The following ZNF573 variants were observed in gnomAD, a reference collection of about 807,000 sequenced individuals.
ZNF573 encodes the protein zinc finger protein 573.
In ZNF573, 41 loss-of-function variants were observed where a neutral mutation model predicts 57.4. That is an observed-to-expected ratio of 0.71 (90% confidence interval 0.56 to 0.93). The LOEUF (loss-of-function observed/expected upper bound fraction) is 0.93, where lower values mean the gene tolerates loss of function less well. Ranked by LOEUF, ZNF573 falls within the 40% of genes least tolerant of loss-of-function variation. The pLI is 0.00. For synonymous variants in ZNF573, 249 were observed against 261.0 expected (o/e 0.95, Z 0.44); for missense variants, 730 against 794.8 (o/e 0.92, Z 0.98).
intron 4 of ZNF573, among the ~76,000 whole-genome samples, chr19:37,748,945 A>G (rs930852716): frequency 2.0e-5 from 3 of 151,712 alleles, no homozygotes; most frequent in Admixed American, 1.3e-4. Flanking sequence ...AAAAAAAAAA[A>G]AAAGCCTAAG....
At chr19:37,754,229 T>C (rs1599692190) in intron 4 of ZNF573, among the ~76,000 whole-genome samples, 2 of 152,018 alleles carry the variant, frequency 1.3e-5, no homozygotes, top group African/African-American at 2.4e-5. Context: ...TATCAAATAA[T>C]TGAAAAGAAT....
At chr19:37,757,396 A>G (rs1258944550) in intron 4 of ZNF573, among the ~76,000 whole-genome samples, 3 of 151,906 alleles carry the variant, frequency 2.0e-5, no homozygotes, top group Non-Finnish European at 2.9e-5. Context: ...ACGGGGTTTC[A>G]CCGTGTTAGC....
At chr19:37,743,419 C>G (rs534238724) in intron 4 of ZNF573, among the ~76,000 whole-genome samples, 2 of 151,524 alleles carry the variant, frequency 1.3e-5, no homozygotes, top group Non-Finnish European at 2.9e-5. Context: ...CAGAGAAATG[C>G]AAATCAAAAC....
intron 2 of ZNF573, 71 bp from the exon 3 acceptor site, chr19:37,771,767 A>G: frequency 6.7e-7 from 1 of 1,492,260 alleles, no homozygotes; most frequent in Non-Finnish European, 9.0e-7. Flanking sequence ...ACAAGAGCAC[A>G]TTAGAGAAAA....
rs2045281750 is a variant in ZNF573, at chr19:37,738,451, GCTGT to G, written c.*37_*40del. 6.7e-7 allele frequency: 1 copy of G among 1,491,360 alleles called. No homozygotes were observed. The allele number at this position is 1,491,360 out of a possible 1,614,324, so 92.4% of individuals were successfully genotyped here. A position where few individuals can be genotyped will look rare whatever the true frequency, so the allele number is the denominator to read the frequency against. On this transcript the variant is annotated 3_prime_UTR_variant, in exon 5 of 5. Transcript: ENST00000536220. ...ATTCCATCATTTCTCACCAGTGTGGGCTGTCTGATGATGAATGGCGCGCTCGTAC... is the reference window on the plus strand; with the variant it reads ...ATTCCATCATTTCTCACCAGTGTGGGCTGATGATGAATGGCGCGCTCGTAC...
At chr19:37,743,319 C>CAAAAAAA (rs74174484) in intron 4 of ZNF573, among the ~76,000 whole-genome samples, 11 of 99,842 alleles carry the variant, frequency 1.1e-4, no homozygotes, top group East Asian at 3.3e-4. Flanking sequence ...GAATCCATCT[C>CAAAAAAA]AAAAAAAAAA....
rs572983994 is a variant in ZNF573, at chr19:37,767,017, T to G, written c.295+2988A>C. 2.2e-4 allele frequency among the ~76,000 whole-genome samples: 34 copies of G among 152,258 alleles called. No homozygotes were observed. In the Middle Eastern group the frequency reaches 0.01, roughly 46 times the overall value. On this transcript the variant is annotated intron_variant, in intron 4 of 4. Coordinates refer to ENST00000536220, the MANE Select transcript of ZNF573 (RefSeq NM_001172690.2). Reference sequence around the variant, plus strand: ...GGATAATAATCCCTTTCCAAAACTATTAATAATTCTCAAGGAGATAGGGAG... The same window carrying G: ...GGATAATAATCCCTTTCCAAAACTAGTAATAATTCTCAAGGAGATAGGGAG...
intron 4 of ZNF573, among the ~76,000 whole-genome samples, chr19:37,745,296 C>T (rs915736900): frequency 1.3e-5 from 2 of 151,852 alleles, no homozygotes; most frequent in Non-Finnish European, 2.9e-5. Flanking sequence ...AGGCTGGTCT[C>T]GAACTCCTGG....
intron 4 of ZNF573, among the ~76,000 whole-genome samples, chr19:37,742,448 A>G (rs550865475): frequency 1.4e-3 from 206 of 152,334 alleles, no homozygotes; most frequent in African/African-American, 4.9e-3. Context: ...TACAGTAACC[A>G]AAACAGCATG....
At chr19:37,755,731 A>G (rs1293441878) in intron 4 of ZNF573, among the ~76,000 whole-genome samples, 1 of 152,160 alleles carries the variant, frequency 6.6e-6, no homozygotes, top group Non-Finnish European at 1.5e-5. Flanking sequence ...TCAAAATCAG[A>G]AAGAAAATAA....
At chr19:37,762,619 C>T (rs144875809) in intron 4 of ZNF573, among the ~76,000 whole-genome samples, 143 of 152,124 alleles carry the variant, frequency 9.4e-4, no homozygotes, top group Admixed American at 2.0e-3. Context: ...GCAAGTTGCA[C>T]CTCGGACTGT....
intron 4 of ZNF573, among the ~76,000 whole-genome samples, chr19:37,748,390 A>C (rs1272595397): frequency 1.3e-5 from 2 of 152,254 alleles, no homozygotes; most frequent in Non-Finnish European, 2.9e-5. Context: ...AAAGTTAAAA[A>C]GTTATTTTAA....
chr19:37,759,011 C>T (rs761414811), intron 4 of ZNF573: 12 of 447,160 alleles, frequency 2.7e-5, no homozygotes, highest in Non-Finnish European at 3.5e-5. Context: ...ATCAATATAT[C>T]TAATATATCA....
At position 37,738,552 on chromosome 19, in the gene ZNF573, G is replaced by T; in HGVS notation, c.1938C>A (p.Thr646=). 6.3e-7 allele frequency: 1 copy of T among 1,579,052 alleles called. No homozygotes were observed. Among genetic ancestry groups the T allele is most frequent in the Non-Finnish European group, 8.6e-7 (1 of 1,166,722 alleles). Reference sequence around the variant, plus strand: ...CTTTAAGGGCTGAACCATATCTGAAGGTTTTCCCACACTGCTTACACACAT... The same window carrying T: ...CTTTAAGGGCTGAACCATATCTGAATGTTTTCCCACACTGCTTACACACAT... ...KPYVCKQCGK[T]FRYGSALKAH... The change falls in exon 5 of 5, where the codon ACC becomes ACA. Residue 646 remains threonine, a synonymous_variant. Transcript: ENST00000536220.
chr19:37,759,569 T>A (rs999152662), intron 4 of ZNF573, among the ~76,000 whole-genome samples: 3 of 151,760 alleles, frequency 2.0e-5, no homozygotes, highest in Non-Finnish European at 4.4e-5. Context: ...CTACTAAAAA[T>A]ACAAAAAAAT....
intron 4 of ZNF573, among the ~76,000 whole-genome samples, chr19:37,754,552 A>G (rs1053366180): frequency 1.3e-5 from 2 of 151,652 alleles, no homozygotes; most frequent in Non-Finnish European, 2.9e-5. Flanking sequence ...ACCAGAAAGC[A>G]TAATACAAAA....
chr19:37,769,679 T>G (rs933176791), intron 4 of ZNF573, among the ~76,000 whole-genome samples: 1 of 120,676 alleles, frequency 8.3e-6, no homozygotes, highest in Non-Finnish European at 1.6e-5. Context: ...TAAGCGGAGA[T>G]CAAGCCACTG....
chr19:37,777,428 G>A (rs539636059), intron 1 of ZNF573, among the ~76,000 whole-genome samples: 5 of 152,164 alleles, frequency 3.3e-5, no homozygotes, highest in African/African-American at 1.2e-4. Context: ...TTTGGTGTAC[G>A]TACACATATA....
At chr19:37,772,666 C>T (rs2145333587) in intron 2 of ZNF573, among the ~76,000 whole-genome samples, 1 of 150,348 alleles carries the variant, frequency 6.7e-6, no homozygotes, top group South Asian at 2.1e-4. Context: ...GACAGGCTCA[C>T]TCTGTTGCCC....
Sources: gnomAD v4.1 joint callset for allele counts (sites outside exome capture counted in the v4.1 genomes callset) on GRCh38, gnomAD v4.1.1 for gene constraint, MANE v1.5 for transcripts, NCBI Gene and HGNC (gene_info 2026-07-23, HGNC 2026-07-21) for gene names.